APOBR: variants seen among roughly 807,000 people sequenced by gnomAD.
APOBR encodes apolipoprotein B receptor.
In APOBR, 57 loss-of-function variants were observed where a neutral mutation model predicts 88.5. That is an observed-to-expected ratio of 0.64 (90% confidence interval 0.52 to 0.80). The LOEUF (loss-of-function observed/expected upper bound fraction) is 0.80, where lower values mean the gene tolerates loss of function less well. Ranked by LOEUF, APOBR falls within the 30% of genes least tolerant of loss-of-function variation. The pLI is 0.00. For synonymous variants in APOBR, 588 were observed against 572.7 expected (o/e 1.03, Z -0.38); for missense variants, 1,443 against 1,401.6 (o/e 1.03, Z -0.47).
chr16:28,498,263 C>A lies in APOBR; in HGVS notation c.3138C>A (p.Pro1046=). The A allele has an allele frequency of 1.2e-6, 2 of 1,605,784 alleles. No homozygotes were observed. Among genetic ancestry groups the A allele is most frequent in the East Asian group, 2.2e-5 (1 of 44,504 alleles). The change falls in exon 3 of 4, where the codon CCC becomes CCA. Residue 1046 remains proline (P), a synonymous_variant. Transcript: ENST00000564831. ...AGCTGTCAGCTCCTGAGCAGAGACC[C>A]CTCCAGCTGGAGGAACCCCTGGAGC... ...EEELSAPEQR[P]LQLEEPLEPS...
chr16:28,498,024 G>A (rs2046407425), intron 2 of APOBR, 28 bp downstream of exon 2: 1 of 1,555,420 alleles, frequency 6.4e-7, no homozygotes, highest in South Asian at 1.2e-5. Flanking sequence ...GGTCTCGGGG[G>A]GAACGAGTGG....
Position 28,498,771 on chromosome 16 carries a change from A to G in APOBR, c.*266A>G. The G allele has an allele frequency of 1.7e-6, 1 of 577,734 alleles. No homozygotes were observed. The highest frequency in any genetic ancestry group is 3.1e-6 in the Non-Finnish European group (1 of 322,054). The allele number at this position is 577,734 out of a possible 1,614,324, so 35.8% of individuals were successfully genotyped here. On this transcript the variant is annotated 3_prime_UTR_variant, in exon 4 of 4. Coordinates refer to ENST00000564831, the MANE Select transcript of APOBR (RefSeq NM_018690.4). ...AGGGTGCCTGCCCTGGTTCCTCCCCAGCCTGAGTCAGCTGTCTGGACTGCA... is the reference window on the plus strand; with the variant it reads ...AGGGTGCCTGCCCTGGTTCCTCCCCGGCCTGAGTCAGCTGTCTGGACTGCA...
rs757104932 is a variant in APOBR, at chr16:28,498,531, G to C, written c.*26G>C. ...CTGAGACCCGGTGCTCTGGGAGCCA[G>C]GCCCTGAGTGGGTGCCAGAAGGCTT... On this transcript the variant is annotated 3_prime_UTR_variant, in exon 4 of 4. Transcript: ENST00000564831. 1 of 1,566,312 alleles carries C rather than the reference G, an allele frequency of 6.4e-7. No homozygotes were observed. The highest frequency in any genetic ancestry group is 1.9e-5 in the Admixed American group (1 of 53,154).
intron 1 of APOBR, 62 bp downstream of exon 1, chr16:28,494,800 C>T: frequency 6.6e-7 from 1 of 1,506,824 alleles, no homozygotes; most frequent in Non-Finnish European, 9.1e-7. Flanking sequence ...CACTTCCGGG[C>T]ACCTCCCCTG....
chr16:28,495,021 C>T (rs2046377993), intron 1 of APOBR, 78 bp from the exon 2 acceptor site: 2 of 1,337,650 alleles, frequency 1.5e-6, no homozygotes, highest in East Asian at 5.2e-5. Flanking sequence ...TTAACCTGGG[C>T]TCCTCCAGCC....
chr16:28,495,799 T>C lies in APOBR; in HGVS notation c.758T>C (p.Val253Ala), dbSNP rs912148789. ...GAGKGEEVVV[V>A]EKACESTRAW... ...GGGAAAGGAGAAGAGGTGGTAGTGG[T>C]GGAGAAGGCCTGTGAAAGCACTAGG... The change falls in exon 2 of 4, where the codon GTG becomes GCG. Residue 253 changes from valine (V) to alanine (A), a missense_variant. Coordinates refer to ENST00000564831, the MANE Select transcript of APOBR (RefSeq NM_018690.4). The C allele has an allele frequency of 1.3e-6, 2 of 1,595,240 alleles. No individual in the cohort carries two copies. Among genetic ancestry groups the C allele is most frequent in the African/African-American group, 1.3e-5 (1 of 74,648 alleles).
In APOBR at chr16:28,494,756, C is replaced by T; in HGVS notation, c.57+18C>T. The T allele has an allele frequency of 6.2e-7, 1 of 1,601,182 alleles. No individual in the cohort carries two copies. The highest frequency in any genetic ancestry group is 8.5e-7 in the Non-Finnish European group (1 of 1,173,122). ...GGGCACTGGTGAGAAGGGCAGACAG[C>T]TGCCAGATACTTGCACCCCATTCCC... On this transcript the variant is annotated intron_variant, in intron 1 of 3. Coordinates refer to ENST00000564831, the MANE Select transcript of APOBR (RefSeq NM_018690.4).
Position 28,496,444 on chromosome 16 carries a change from A to G in APOBR, c.1403A>G (p.Lys468Arg), listed in dbSNP as rs1231391556. The G allele has an allele frequency of 2.5e-6, 4 of 1,612,386 alleles. No homozygotes were observed. Among genetic ancestry groups the G allele is most frequent in the Non-Finnish European group, 2.5e-6 (3 of 1,179,200 alleles). The change falls in exon 2 of 4, where the codon AAG becomes AGG. Residue 468 changes from lysine to arginine, a missense_variant. Transcript: ENST00000564831. ...GAGGGCCAGGTAGACCTGCGTGGTA[A>G]GGAGGCTGAGATGAGGCAGGACTTG... The part of the protein sequence containing the change: ...SFEGQVDLRG[K>R]EAEMRQDLGI...
rs749563544 is a variant in APOBR, at chr16:28,496,069, GGGAGGCTGGGACAGCCTCAGGAGGGGA to G, written c.1035_1061del (p.Glu361_Gly369del). On this transcript the variant is annotated inframe_deletion, in exon 2 of 4. Transcript: ENST00000564831. ...GAGGAGGCCGGGATAGCCTCAGGCGGGGAGGCTGGGACAGCCTCAGGAGGGGAGGAGGCCGGGACAGCCTCAGGAGGG... is the reference window on the plus strand; with the variant it reads ...GAGGAGGCCGGGATAGCCTCAGGCGGGGAGGCCGGGACAGCCTCAGGAGGG... The G allele has an allele frequency of 6.1e-4, 946 of 1,544,504 alleles. 1 individual carries two copies. Among genetic ancestry groups the G allele is most frequent in the Non-Finnish European group, 7.5e-4 (861 of 1,148,776 alleles).
Position 28,498,216 on chromosome 16 carries a change from G to A in APOBR, c.3091G>A (p.Ala1031Thr). ...CTGGGAGCAGCAGGAGGAGCCCCCA[G>A]CCCCCAACCCTCCTGAGGAGGAGCT... Reference protein sequence around the residue: ...PAWEQQEEPPAPNPPEEELSA... With the variant: ...PAWEQQEEPPTPNPPEEELSA... The change falls in exon 3 of 4, where the codon GCC (alanine) becomes ACC (threonine). Residue 1031 changes from alanine to threonine, a missense_variant. Coordinates refer to ENST00000564831, the MANE Select transcript of APOBR (RefSeq NM_018690.4). 1.2e-6 allele frequency: 2 copies of A among 1,607,276 alleles called. No homozygotes were observed. Among genetic ancestry groups the A allele is most frequent in the Admixed American group, 1.7e-5 (1 of 59,396 alleles).
Position 28,495,768 on chromosome 16 carries a change from G to A in APOBR, c.727G>A (p.Gly243Arg). The A allele has an allele frequency of 6.4e-7, 1 of 1,567,522 alleles. No homozygotes were observed. Among genetic ancestry groups the A allele is most frequent in the East Asian group, 2.3e-5 (1 of 43,200 alleles). ...AGETEEPGAE[G>R]AGKGEEVVVV... ...GGAAACTGAGGAGCCTGGGGCCGAA[G>A]GGGCTGGGAAAGGAGAAGAGGTGGT... Residue 243 changes from glycine to arginine, a missense_variant, in exon 2 of 4, where the codon GGG becomes AGG. Physicochemically the swap from Gly to Arg is moderately radical, Grantham distance 125 (BLOSUM62 -2). Coordinates refer to ENST00000564831, the MANE Select transcript of APOBR (RefSeq NM_018690.4).
rs779045580 is a variant in APOBR, at chr16:28,497,098, C to T, written c.2057C>T (p.Ala686Val). ...AGGEGLTTQD[A>V]GCGTEEGEAS... ...GGGGAGGGGCTGACAACCCAGGACG[C>T]GGGATGTGGAACTGAGGAGGGAGAG... The change falls in exon 2 of 4, where the codon GCG (alanine) becomes GTG (valine). Residue 686 changes from alanine (A) to valine (V), a missense_variant. Ala to Val is a moderately conservative substitution (Grantham distance 64). Transcript: ENST00000564831. 57 of 1,600,496 alleles carry T rather than the reference C, an allele frequency of 3.6e-5. No homozygotes were observed. In the African/African-American group the frequency reaches 3.7e-4, roughly 11 times the overall value.
rs1049441297 is a variant in APOBR, at chr16:28,497,037, C to A, written c.1996C>A (p.Arg666=). 1.3e-6 allele frequency: 2 copies of A among 1,584,532 alleles called. No homozygotes were observed. Among genetic ancestry groups the A allele is most frequent in the Admixed American group, 1.8e-5 (1 of 54,560 alleles). ...CCTGGCGGCTGAGGCTGAAGGAGAC[C>A]GAGAGTCTGAACTATCAGAAGTCCC... ...QTLAAEAEGD[R]ESELSEVPEA... Residue 666 remains arginine, a synonymous_variant, in exon 2 of 4, where the codon CGA becomes AGA. Transcript: ENST00000564831.
rs540545284 is a variant in APOBR, at chr16:28,496,777, A to G, written c.1736A>G (p.Glu579Gly). The change falls in exon 2 of 4, where the codon GAA becomes GGA. Residue 579 changes from glutamate to glycine, a missense_variant. Glu to Gly is a moderately conservative substitution (Grantham distance 98, BLOSUM62 -2). Transcript: ENST00000564831. ...CAGACCCCAACTAAGCAACCCGAGGAAAGGGAGGCAGGGGAGGTGGAGCTC... is the reference window on the plus strand; with the variant it reads ...CAGACCCCAACTAAGCAACCCGAGGGAAGGGAGGCAGGGGAGGTGGAGCTC... ...GAQTPTKQPE[E>G]REAGEVELMG... The G allele has an allele frequency of 1.9e-5, 30 of 1,575,432 alleles. No homozygotes were observed. Among genetic ancestry groups the G allele is most frequent in the Non-Finnish European group, 2.4e-5 (28 of 1,160,766 alleles).
rs757711011 is a variant in APOBR at position 28,497,412 on chromosome 16, G to T, written c.2371G>T (p.Asp791Tyr). Residue 791 changes from aspartate to tyrosine, a missense_variant, in exon 2 of 4, where the codon GAC becomes TAC. By Grantham distance (160) the Asp-to-Tyr change is radical (BLOSUM62 -3). Transcript: ENST00000564831. ...ALEGVLGQGW[D>Y]SKEKEEAAAG... ...GGAAGGGGTGCTTGGGCAAGGCTGG[G>T]ACTCGAAAGAAAAGGAAGAGGCAGC... 1.9e-6 allele frequency: 3 copies of T among 1,613,520 alleles called. No individual in the cohort carries two copies. The highest frequency in any genetic ancestry group is 2.5e-6 in the Non-Finnish European group (3 of 1,179,670).
In APOBR at chr16:28,496,686, G is replaced by A. The variant is rs544056930; in HGVS notation, c.1645G>A (p.Val549Met). ...AAQTSCGLLG[V>M]EWGGLTHSVT... ...CCAGACTAGCTGTGGCCTACTGGGC[G>A]TGGAATGGGGTGGCCTCACACACAG... Residue 549 changes from valine (V) to methionine (M), a missense_variant, in exon 2 of 4, where the codon GTG becomes ATG. Transcript: ENST00000564831. 40 of 1,603,992 alleles carry A rather than the reference G, an allele frequency of 2.5e-5. No individual in the cohort carries two copies. The highest frequency in any genetic ancestry group is 1.7e-4 in the Middle Eastern group (1 of 6,058).
In APOBR at chr16:28,497,807, C is replaced by T; in HGVS notation, c.2766C>T (p.Leu922=). Reference sequence around the variant, plus strand: ...CAAGGCTCCTTGATGCAGAGGGTCTCATGGTGACCGGGGGCCGGAGGGCAG... The same window carrying T: ...CAAGGCTCCTTGATGCAGAGGGTCTTATGGTGACCGGGGGCCGGAGGGCAG... ...EAPRLLDAEG[L]MVTGGRRAEA... is the part of the protein sequence containing the mutation. Residue 922 remains leucine, a synonymous_variant, in exon 2 of 4, where the codon CTC becomes CTT. Transcript: ENST00000564831. 5 of 1,606,176 alleles carry T rather than the reference C, an allele frequency of 3.1e-6. No individual in the cohort carries two copies. Among genetic ancestry groups the T allele is most frequent in the Non-Finnish European group, 4.2e-6 (5 of 1,176,542 alleles).
At position 28,496,017 on chromosome 16, in the gene APOBR, G is replaced by C. The variant is rs1341892734; in HGVS notation, c.976G>C (p.Glu326Gln). The C allele has an allele frequency of 1.2e-6, 2 of 1,602,262 alleles. No individual in the cohort carries two copies. Among genetic ancestry groups the C allele is most frequent in the African/African-American group, 1.3e-5 (1 of 74,592 alleles). Reference sequence around the variant, plus strand: ...GGAGGCTGAAACAGCCTCAGGCGGGGAGGAGGCCGGGACAGCCTCGGGAGG... The same window carrying C: ...GGAGGCTGAAACAGCCTCAGGCGGGCAGGAGGCCGGGACAGCCTCGGGAGG... ...GEEAETASGG[E>Q]EAGTASGGEE... is the part of the protein sequence containing the mutation. The change falls in exon 2 of 4, where the codon GAG (glutamate) becomes CAG (glutamine). Residue 326 changes from glutamate to glutamine, a missense_variant. By Grantham distance (29) the Glu-to-Gln change is conservative. Coordinates refer to ENST00000564831, the MANE Select transcript of APOBR (RefSeq NM_018690.4).
Position 28,494,802 on chromosome 16 carries a change from C to T in APOBR, c.57+64C>T, listed in dbSNP as rs531179365. 62 of 1,502,026 alleles carry T rather than the reference C, an allele frequency of 4.1e-5. No individual in the cohort carries two copies. The East Asian group carries it at 6.8e-4, about 17-fold the overall frequency. The allele number at this position is 1,502,026 out of a possible 1,614,324, so 93.0% of individuals were successfully genotyped here. The stretch of plus-strand genomic sequence containing the variant: ...TTCCCTGGGGCCTCACTTCCGGGCA[C>T]CTCCCCTGGGGCCTCACCTTTCCCC... On this transcript the variant is annotated intron_variant, in intron 1 of 3. Coordinates refer to ENST00000564831, the MANE Select transcript of APOBR (RefSeq NM_018690.4).
Sources: allele counts gnomAD v4.1 joint callset, GRCh38; gene constraint gnomAD v4.1.1; transcripts MANE v1.5; gene names NCBI Gene and HGNC (gene_info 2026-07-23, HGNC 2026-07-21).